Variants in METTL8 observed in about 807,000 individuals in gnomAD.
The protein encoded by METTL8 is tRNA N(3)-cytidine methyltransferase METTL8, mitochondrial.
METTL8 carries 32 observed loss-of-function variants against 48.7 expected under a neutral mutation model. That is an observed-to-expected ratio of 0.66 (90% confidence interval 0.50 to 0.88). The LOEUF (loss-of-function observed/expected upper bound fraction) is 0.88. METTL8 is among the 40% of genes least tolerant of loss of function. The pLI, the probability that METTL8 is intolerant of heterozygous loss-of-function variation, is 0.00. For missense variants in METTL8, 464 were observed against 474.4 expected (o/e 0.98, Z 0.20); for synonymous variants, 136 against 157.1 (o/e 0.87, Z 1.01).
chr2:171,385,733 T>C (rs1415506674), intron 2 of METTL8, among the ~76,000 whole-genome samples: 2 of 152,226 alleles, frequency 1.3e-5, no homozygotes, highest in African/African-American at 4.8e-5. Flanking sequence ...AGGGTCCTCT[T>C]GGCTGCTAGA....
chr2:171,424,205 A>C (rs1312532818), intron 1 of METTL8, among the ~76,000 whole-genome samples: 1 of 136,072 alleles, frequency 7.3e-6, no homozygotes, highest in Non-Finnish European at 1.6e-5. Context: ...TGGATGTCCA[A>C]GCAGAAGTTT....
chr2:171,336,887 G>A (rs1254762055), intron 5 of METTL8, among the ~76,000 whole-genome samples: 1 of 16,334 alleles, frequency 6.1e-5, no homozygotes, highest in Non-Finnish European at 1.3e-4. Context: ...TTTTTTTTTT[G>A]AGACTGAGTT....
intron 4 of METTL8, 59 bp from the exon 5 acceptor site, chr2:171,337,561 T>G: frequency 1.5e-6 from 2 of 1,292,754 alleles, no homozygotes; most frequent in Non-Finnish European, 1.1e-6. Flanking sequence ...TTGTCACCAA[T>G]GTCAGATCTC....
At chr2:171,431,375 C>G (rs998410398) in intron 1 of METTL8, among the ~76,000 whole-genome samples, 1 of 152,214 alleles carries the variant, frequency 6.6e-6, no homozygotes, top group Non-Finnish European at 1.5e-5. Flanking sequence ...AGGGGGCAAC[C>G]AGCAACCTGC....
At chr2:171,383,637 T>C (rs1216778727) in intron 2 of METTL8, among the ~76,000 whole-genome samples, 1 of 152,188 alleles carries the variant, frequency 6.6e-6, no homozygotes, top group Non-Finnish European at 1.5e-5. Flanking sequence ...TACTTATAAA[T>C]GGCCGAGATC....
At chr2:171,381,569 AC>A (rs1360798335) in intron 2 of METTL8, among the ~76,000 whole-genome samples, 1 of 151,430 alleles carries the variant, frequency 6.6e-6, no homozygotes, top group African/African-American at 2.4e-5. Context: ...AGAAAAAAAA[AC>A]ATCAAAAAGT....
intron 1 of METTL8, among the ~76,000 whole-genome samples, chr2:171,420,728 T>C (rs1230582235): frequency 6.6e-6 from 1 of 152,190 alleles, no homozygotes; most frequent in African/African-American, 2.4e-5. Context: ...AACCCAAGTT[T>C]GGTTTAACAA....
chr2:171,397,516 T>C (rs1313341303), intron 1 of METTL8, among the ~76,000 whole-genome samples: 15 of 140,536 alleles, frequency 1.1e-4, no homozygotes, highest in Non-Finnish European at 2.3e-4. Flanking sequence ...ATCATGCTAT[T>C]GCACTGCATT....
At chr2:171,412,911 T>G (rs1322264130) in intron 1 of METTL8, among the ~76,000 whole-genome samples, 1 of 152,218 alleles carries the variant, frequency 6.6e-6, no homozygotes, top group Non-Finnish European at 1.5e-5. Flanking sequence ...ATTAGAATTC[T>G]GGAAAACCTG....
intron 3 of METTL8, among the ~76,000 whole-genome samples, chr2:171,347,888 A>G (rs549899559): frequency 3.3e-5 from 5 of 152,360 alleles, no homozygotes; most frequent in African/African-American, 1.2e-4. Context: ...GCTCATAAAA[A>G]TAGAATGATG....
At chr2:171,353,830 C>T (rs1220931230) in intron 3 of METTL8, among the ~76,000 whole-genome samples, 1 of 152,088 alleles carries the variant, frequency 6.6e-6, no homozygotes, top group Admixed American at 6.6e-5. Flanking sequence ...TCCTCCATCC[C>T]TTTATTTTGA....
At chr2:171,403,260 A>G (rs1689822385) in intron 1 of METTL8, among the ~76,000 whole-genome samples, 1 of 152,178 alleles carries the variant, frequency 6.6e-6, no homozygotes, top group South Asian at 2.1e-4. Flanking sequence ...ACGAACAGTG[A>G]TAGTGCTGAT....
chr2:171,332,985 A>G (rs1685696502), intron 5 of METTL8, among the ~76,000 whole-genome samples: 1 of 146,156 alleles, frequency 6.8e-6, no homozygotes, highest in South Asian at 2.4e-4. Flanking sequence ...ATCTGACTCA[A>G]GAAGCATTCC....
chr2:171,420,736 C>T (rs1691786461), intron 1 of METTL8, among the ~76,000 whole-genome samples: 1 of 152,040 alleles, frequency 6.6e-6, no homozygotes, highest in African/African-American at 2.4e-5. Context: ...TTTGGTTTAA[C>T]AATAGAAAGT....
At chr2:171,378,636 A>T (rs983564490) in intron 2 of METTL8, among the ~76,000 whole-genome samples, 1 of 152,180 alleles carries the variant, frequency 6.6e-6, no homozygotes, top group Non-Finnish European at 1.5e-5. Context: ...ATCTAAAAAA[A>T]TAAAAATAAA....
chr2:171,360,756 C>T (rs769655217), intron 2 of METTL8, among the ~76,000 whole-genome samples: 8 of 152,178 alleles, frequency 5.3e-5, no homozygotes, highest in East Asian at 1.9e-4. Flanking sequence ...CTCTGGGAAA[C>T]GGCTGCTAAA....
At chr2:171,369,452 G>C (rs1324522216) in intron 2 of METTL8, among the ~76,000 whole-genome samples, 3 of 152,122 alleles carry the variant, frequency 2.0e-5, no homozygotes, top group African/African-American at 7.2e-5. Context: ...CAAACATTTA[G>C]AGCAATGCCA....
At chr2:171,423,007 T>TA (rs907905516) in intron 1 of METTL8, among the ~76,000 whole-genome samples, 3 of 152,064 alleles carry the variant, frequency 2.0e-5, no homozygotes, top group African/African-American at 7.2e-5. Context: ...CAGTGGGAGG[T>TA]AATTGAATTA....
In METTL8 at chr2:171,320,243, T is replaced by G. The variant is rs1436571812; in HGVS notation, c.*3929A>C. 1 of 151,244 alleles carries G rather than the reference T, an allele frequency of 6.6e-6. No individual in the cohort carries two copies. The highest frequency in any genetic ancestry group is 2.4e-5 in the African/African-American group (1 of 41,112). 9.4% of individuals were successfully genotyped at this position (151,244 alleles called of 1,614,324 possible). A position where few individuals can be genotyped will look rare whatever the true frequency, so the allele number is the denominator to read the frequency against. ...GACTGACCAGGCAAGCAGAAGACAC[T>G]GGTGGAAATGGCCCTGCTGCGCAGC... On this transcript the variant is annotated 3_prime_UTR_variant, in exon 10 of 10. Transcript: ENST00000375258.
Sources: gnomAD v4.1 joint callset for allele counts (sites outside exome capture counted in the v4.1 genomes callset) on GRCh38, gnomAD v4.1.1 for gene constraint, MANE v1.5 for transcripts, NCBI Gene and HGNC (gene_info 2026-07-23, HGNC 2026-07-21) for gene names.